Variants in ADAMTSL3 observed in about 807,000 individuals in gnomAD.
ADAMTSL3 encodes the protein ADAMTS like 3, also known as ADAMTS-like protein 3.
ADAMTSL3 carries 128 observed loss-of-function variants against 201.7 expected under a neutral mutation model. That is an observed-to-expected ratio of 0.63 (90% CI 0.55 to 0.73). The LOEUF is 0.73. Ranked by LOEUF, ADAMTSL3 falls within the 30% of genes least tolerant of loss-of-function variation. The pLI, the probability that ADAMTSL3 is intolerant of heterozygous loss-of-function variation, is 0.00. For synonymous variants in ADAMTSL3, 738 were observed against 748.4 expected, an observed-to-expected ratio of 0.99 and a Z score of 0.23; for missense variants, 1,990 against 2,119.6, an observed-to-expected ratio of 0.94 and a Z score of 1.20.
intron 20 of ADAMTSL3, among the ~76,000 whole-genome samples, chr15:83,974,998 CTT>C (rs35557833): frequency 0.012 from 1,144 of 96,076 alleles, 7 homozygotes; most frequent in African/African-American, 0.034. Context: ...CAGCCTGCGT[CTT>C]TTTTTTTTTT....
chr15:83,929,479 C>T (rs1171189286), intron 17 of ADAMTSL3, among the ~76,000 whole-genome samples: 1 of 152,084 alleles, frequency 6.6e-6, no homozygotes, highest in Admixed American at 6.6e-5. Flanking sequence ...AAGGACATCA[C>T]TTATATTGGA....
chr15:83,754,068 T>G (rs959032346), intron 3 of ADAMTSL3, among the ~76,000 whole-genome samples: 29 of 152,140 alleles, frequency 1.9e-4, no homozygotes, highest in Admixed American at 6.5e-5. Context: ...CTGTTGACAT[T>G]TTAGGTCAGA....
chr15:83,828,125 C>G (rs994150791), intron 6 of ADAMTSL3, among the ~76,000 whole-genome samples: 5 of 152,144 alleles, frequency 3.3e-5, no homozygotes, highest in Non-Finnish European at 5.9e-5. Flanking sequence ...GGCAGTATGG[C>G]CATTTTCACG....
At chr15:83,758,817 C>T (rs1039457319) in intron 3 of ADAMTSL3, among the ~76,000 whole-genome samples, 30 of 152,124 alleles carry the variant, frequency 2.0e-4, no homozygotes, top group African/African-American at 7.2e-4. Context: ...AACCCCTTGT[C>T]AGATATATTA....
At chr15:83,677,949 TCTC>T (rs2061428637) in intron 2 of ADAMTSL3, among the ~76,000 whole-genome samples, 1 of 151,794 alleles carries the variant, frequency 6.6e-6, no homozygotes, top group African/African-American at 2.4e-5. Context: ...TCTCTCTCTC[TCTC>T]TCTGTCTCTC....
chr15:83,940,123 C>T (rs1385037041), intron 17 of ADAMTSL3, among the ~76,000 whole-genome samples: 1 of 152,086 alleles, frequency 6.6e-6, no homozygotes, highest in African/African-American at 2.4e-5. Context: ...TAGCTAAATT[C>T]CACAAACTTT....
intron 3 of ADAMTSL3, among the ~76,000 whole-genome samples, chr15:83,716,469 C>T (rs1189251039): frequency 6.8e-6 from 1 of 146,700 alleles, no homozygotes; most frequent in Non-Finnish European, 1.5e-5. Context: ...GAGCCGAGAG[C>T]GTGCCATTGC....
At chr15:83,701,598 G>A (rs1262842294) in intron 2 of ADAMTSL3, among the ~76,000 whole-genome samples, 2 of 152,174 alleles carry the variant, frequency 1.3e-5, no homozygotes, top group Non-Finnish European at 2.9e-5. Context: ...CCCCCATACT[G>A]TTCTCATGGC....
chr15:83,850,060 A>C (rs923534290), intron 7 of ADAMTSL3, among the ~76,000 whole-genome samples: 3 of 152,134 alleles, frequency 2.0e-5, no homozygotes, highest in Non-Finnish European at 4.4e-5. Flanking sequence ...TATGCACCAT[A>C]ATACAAAAAC....
intron 17 of ADAMTSL3, among the ~76,000 whole-genome samples, chr15:83,924,430 A>G (rs1261224901): frequency 6.6e-6 from 1 of 152,182 alleles, no homozygotes; most frequent in Non-Finnish European, 1.5e-5. Flanking sequence ...TGCTTAATCC[A>G]TATTTGTTGA....
chr15:83,777,646 G>A (rs1482194371), intron 4 of ADAMTSL3, among the ~76,000 whole-genome samples: 1 of 152,040 alleles, frequency 6.6e-6, no homozygotes, highest in Non-Finnish European at 1.5e-5. Flanking sequence ...AGGATTAAAG[G>A]AAGATAAGCC....
chr15:83,750,189 G>A (rs1283510170), intron 3 of ADAMTSL3, among the ~76,000 whole-genome samples: 1 of 152,146 alleles, frequency 6.6e-6, no homozygotes, highest in Non-Finnish European at 1.5e-5. Context: ...AAGCCTAAGG[G>A]TTTTGTTTCT....
intron 2 of ADAMTSL3, among the ~76,000 whole-genome samples, chr15:83,688,298 T>C (rs1178059624): frequency 2.0e-5 from 3 of 152,150 alleles, no homozygotes; most frequent in African/African-American, 7.2e-5. Context: ...TTATTTAAAC[T>C]CTCTAGTTTT....
chr15:83,942,862 G>A, intron 18 of ADAMTSL3, 41 bp from the exon 19 acceptor site: 1 of 1,606,334 alleles, frequency 6.2e-7, no homozygotes, highest in East Asian at 2.2e-5. Context: ...CTAACATAGA[G>A]TGGGCCAAGC....
chr15:83,716,602 ATTTC>A (rs2062022703), intron 3 of ADAMTSL3, among the ~76,000 whole-genome samples: 1 of 137,730 alleles, frequency 7.3e-6, no homozygotes. Flanking sequence ...GCCTATCTTT[ATTTC>A]TTTGTGTGTG....
intron 17 of ADAMTSL3, among the ~76,000 whole-genome samples, chr15:83,924,444 A>C (rs138568441): frequency 2.0e-5 from 3 of 152,288 alleles, no homozygotes; most frequent in Non-Finnish European, 4.4e-5. Flanking sequence ...TTGTTGAGTG[A>C]CTGTGTAATC....
In ADAMTSL3 at chr15:83,838,218, A is replaced by T; in HGVS notation, c.727+3A>T. On this transcript the variant is annotated splice_donor_region_variant and intron_variant, in intron 7 of 29. Coordinates refer to ENST00000286744, the MANE Select transcript of ADAMTSL3 (RefSeq NM_207517.3). ...GTCACACGTTTCTCCTGAAAAAAGT[A>T]GGTTTTAAACCCAATACGTTATTAC... 6.2e-7 allele frequency: 1 copy of T among 1,612,500 alleles called. No homozygotes were observed. The highest frequency in any genetic ancestry group is 1.1e-5 in the South Asian group (1 of 90,658).
intron 15 of ADAMTSL3, among the ~76,000 whole-genome samples, chr15:83,907,181 C>A (rs916355646): frequency 2.7e-5 from 4 of 149,370 alleles, no homozygotes; most frequent in Non-Finnish European, 5.9e-5. Flanking sequence ...ACTGATAGTT[C>A]TGGTCTCCAT....
chr15:83,751,677 C>T (rs2062639145), intron 3 of ADAMTSL3, among the ~76,000 whole-genome samples: 1 of 152,060 alleles, frequency 6.6e-6, no homozygotes, highest in Non-Finnish European at 1.5e-5. Context: ...AAGCCTTAAC[C>T]CTTTGATGCA....
Sources: allele counts gnomAD v4.1 joint callset (sites outside exome capture counted in the v4.1 genomes callset), GRCh38; gene constraint gnomAD v4.1.1; transcripts MANE v1.5; gene names NCBI Gene and HGNC (gene_info 2026-07-23, HGNC 2026-07-21).